CD109: variants seen among roughly 807,000 people sequenced by gnomAD.
The protein encoded by CD109 is CD109 molecule, also known as CD109 antigen.
A neutral mutation model predicts 165.8 loss-of-function variants in CD109; 149 were observed. That is an observed-to-expected ratio of 0.90 (90% confidence interval 0.79 to 1.03). CD109 has a LOEUF of 1.03. Ranked by LOEUF, CD109 falls within the 50% of genes least tolerant of loss-of-function variation. The pLI, the probability that CD109 is intolerant of heterozygous loss-of-function variation, is 0.00. For synonymous variants in CD109, 585 were observed against 592.1 expected (o/e 0.99, Z 0.18); for missense variants, 1,712 against 1,677.8 (o/e 1.02, Z -0.36).
chr6:73,719,198 G>T (rs1771856739), intron 2 of CD109, among the ~76,000 whole-genome samples: 1 of 152,056 alleles, frequency 6.6e-6, no homozygotes, highest in Non-Finnish European at 1.5e-5. Context: ...GTATTTAGAG[G>T]CTCCTGTATG....
At chr6:73,770,312 G>A (rs1773989430) in intron 14 of CD109, among the ~76,000 whole-genome samples, 2 of 152,234 alleles carry the variant, frequency 1.3e-5, no homozygotes, top group African/African-American at 4.8e-5. Flanking sequence ...TAAGAAAAGG[G>A]AGCTCAGGGG....
chr6:73,778,747 A>C (rs536021124), intron 15 of CD109, among the ~76,000 whole-genome samples: 10 of 151,950 alleles, frequency 6.6e-5, no homozygotes, highest in African/African-American at 2.4e-4. Context: ...AGCATTGCAG[A>C]AATAGTGGTT....
chr6:73,748,548 C>T (rs767322281), intron 5 of CD109, among the ~76,000 whole-genome samples: 6 of 152,146 alleles, frequency 3.9e-5, no homozygotes, highest in Non-Finnish European at 7.3e-5. Flanking sequence ...AAGGTCCATG[C>T]GGGGTTGTAT....
At chr6:73,705,312 T>C (rs1771225993) in intron 2 of CD109, among the ~76,000 whole-genome samples, 1 of 152,072 alleles carries the variant, frequency 6.6e-6, no homozygotes, top group Non-Finnish European at 1.5e-5. Flanking sequence ...AACAAGTCTT[T>C]TGAGAGAAGC....
chr6:73,779,774 A>G (rs1292769968), intron 15 of CD109, among the ~76,000 whole-genome samples: 3 of 151,596 alleles, frequency 2.0e-5, no homozygotes, highest in Non-Finnish European at 4.4e-5. Flanking sequence ...TTCTAATTCT[A>G]TGTTAATTTT....
chr6:73,730,653 G>T, intron 4 of CD109, 79 bp downstream of exon 4: 1 of 850,442 alleles, frequency 1.2e-6, no homozygotes. Context: ...TTGTGTTACT[G>T]ACACTGGAAT....
At chr6:73,804,140 A>C (rs1775484100) in intron 24 of CD109, 2 of 152,288 alleles carry the variant, frequency 1.3e-5, no homozygotes, top group Admixed American at 6.5e-5. Context: ...GCTATGCCTA[A>C]CCTCACTGGG....
rs748994812 is a variant in CD109, at chr6:73,823,650, T to A, written c.*17T>A. The A allele has an allele frequency of 1.3e-6, 2 of 1,593,066 alleles. No individual in the cohort carries two copies. The highest frequency in any genetic ancestry group is 2.2e-5 in the South Asian group (2 of 90,098). On this transcript the variant is annotated 3_prime_UTR_variant, in exon 33 of 33. Transcript: ENST00000287097. ...TGGCTGTGATTTATTTTTAAAGGAC[T>A]CTGTGTAACACTAACATTTCCAGTA...
chr6:73,798,136 A>G (rs1026163774), intron 23 of CD109, among the ~76,000 whole-genome samples: 3 of 139,088 alleles, frequency 2.2e-5, no homozygotes, highest in African/African-American at 8.4e-5. Flanking sequence ...TTTTTTTGTG[A>G]TGGAGTCTTG....
chr6:73,724,625 T>TC (rs1179517965), intron 3 of CD109, among the ~76,000 whole-genome samples: 1 of 151,600 alleles, frequency 6.6e-6, no homozygotes, highest in East Asian at 1.9e-4. Flanking sequence ...TTTTTTTTTT[T>TC]TTTTTTTGAG....
At chr6:73,682,367 C>T in the CD109 span, among the ~76,000 whole-genome samples, 3 of 152,204 alleles carry the variant, frequency 2.0e-5, no homozygotes, top group Non-Finnish European at 4.4e-5. Context: ...GTGGGGCAGT[C>T]AAATCTTAAA....
In CD109 at chr6:73,697,520, A is replaced by G. The variant is rs1770895224; in HGVS notation, c.195A>G (p.Thr65=). ...CTGTGAAGGCGGAGCTGCTCAAGACAGCATCAAACCTCACTGTCTCTGTCC... is the reference window on the plus strand; with the variant it reads ...CTGTGAAGGCGGAGCTGCTCAAGACGGCATCAAACCTCACTGTCTCTGTCC... ...QVTVKAELLK[T]ASNLTVSVLE... Residue 65 remains threonine (T), a synonymous_variant, in exon 2 of 33, where the codon ACA becomes ACG. Transcript: ENST00000287097. 6.2e-7 allele frequency: 1 copy of G among 1,614,180 alleles called. No homozygotes were observed. Among genetic ancestry groups the G allele is most frequent in the Non-Finnish European group, 8.5e-7 (1 of 1,180,022 alleles).
At chr6:73,791,164 T>TACAC (rs1219819849) in intron 22 of CD109, among the ~76,000 whole-genome samples, 4 of 64,142 alleles carry the variant, frequency 6.2e-5, no homozygotes, top group African/African-American at 2.9e-4. Context: ...TATATATATA[T>TACAC]ATATATATAT....
At chr6:73,691,364 T>G (rs1770687134), upstream of CD109, among the ~76,000 whole-genome samples, 1 of 152,212 alleles carries the variant, frequency 6.6e-6, no homozygotes, top group Non-Finnish European at 1.5e-5. Context: ...TACACCTGTA[T>G]TTTTTACTTT....
Position 73,781,301 on chromosome 6 carries a change from G to A in CD109, c.1945G>A (p.Asp649Asn), listed in dbSNP as rs1464432573. 1 of 1,613,044 alleles carries A rather than the reference G, an allele frequency of 6.2e-7. No homozygotes were observed. The highest frequency in any genetic ancestry group is 1.7e-5 in the Admixed American group (1 of 59,976). Residue 649 changes from aspartate (D) to asparagine (N), a missense_variant, in exon 17 of 33, where the codon GAT (aspartate) becomes AAT (asparagine). Physicochemically the swap from Asp to Asn is conservative, Grantham distance 23. Coordinates refer to ENST00000287097, the MANE Select transcript of CD109 (RefSeq NM_133493.5). ...WVLTDANLTK[D>N]YIDGVYDNAE... ...ATTGACAGATGCAAACCTCACGAAG[G>A]ATTATATTGATGGTGTTTGTAAGTA...
chr6:73,811,103 T>TTC lies in CD109; in HGVS notation c.3659_3660insCT (p.Leu1221PhefsTer2). The TTC allele has an allele frequency of 6.2e-7, 1 of 1,613,298 alleles. No homozygotes were observed. The highest frequency in any genetic ancestry group is 8.5e-7 in the Non-Finnish European group (1 of 1,179,548). On this transcript the variant is annotated frameshift_variant, in exon 28 of 33. Transcript: ENST00000287097. LOFTEE classifies it high-confidence loss of function. Reference sequence around the variant, plus strand: ...GCCTAGCTCACCAAGTCCTGTAAAGTTTCTGATTGACACACACAACCGCTT... The same window carrying TTC: ...GCCTAGCTCACCAAGTCCTGTAAAGTTCTTCTGATTGACACACACAACCGCTT...
chr6:73,765,858 C>T, intron 10 of CD109, 72 bp from the exon 11 acceptor site: 1 of 1,104,402 alleles, frequency 9.1e-7, no homozygotes, highest in East Asian at 2.4e-5. Flanking sequence ...CATGAGAATA[C>T]TACAGACGGA....
chr6:73,736,709 A>G (rs931988789), intron 5 of CD109, among the ~76,000 whole-genome samples: 5 of 152,186 alleles, frequency 3.3e-5, no homozygotes, highest in Non-Finnish European at 5.9e-5. Flanking sequence ...AATTTTCATA[A>G]CTGTTGTCTT....
chr6:73,695,512 T>C (rs1156320131), upstream of CD109: 1 of 151,812 alleles, frequency 6.6e-6, no homozygotes, highest in African/African-American at 2.4e-5. Flanking sequence ...TAGCAACACC[T>C]AACGTCTGCA....
Sources: allele counts gnomAD v4.1 joint callset (sites outside exome capture counted in the v4.1 genomes callset), GRCh38; gene constraint gnomAD v4.1.1; transcripts MANE v1.5; gene names NCBI Gene and HGNC (gene_info 2026-07-23, HGNC 2026-07-21).